SH3GLB1: variants seen among roughly 807,000 people sequenced by gnomAD.
SH3GLB1 encodes SH3 domain containing GRB2 like, endophilin B1.
Under a neutral mutation model 42.0 loss-of-function variants are expected in SH3GLB1, and 17 were observed. The ratio of observed to expected loss-of-function variants is 0.40; its 90% CI spans 0.28 to 0.61. The LOEUF is 0.61. Among genes scored for constraint, SH3GLB1 ranks in the 20% least tolerant of loss-of-function variants. The pLI, the probability that SH3GLB1 is intolerant of heterozygous loss-of-function variation, is 0.36. For missense variants in SH3GLB1, 355 were observed against 426.3 expected (o/e 0.83, Z 1.47); for synonymous variants, 132 against 146.6 (o/e 0.90, Z 0.72).
chr1:86,734,531 C>A, intron 5 of SH3GLB1, 71 bp from the exon 6 acceptor site: 1 of 1,057,382 alleles, frequency 9.5e-7, no homozygotes, highest in Non-Finnish European at 1.4e-6. Context: ...TTTTTTTAAC[C>A]ATCTAAAATA....
rs1201425745 is a variant in SH3GLB1 at position 86,744,625 on chromosome 1, C to G, written c.*1390C>G. On this transcript the variant is annotated 3_prime_UTR_variant, in exon 9 of 9. Coordinates refer to ENST00000370558, the MANE Select transcript of SH3GLB1 (RefSeq NM_016009.5). The stretch of plus-strand genomic sequence containing the variant: ...CTAAAGCAATTTACTCTAACTTAAG[C>G]ATGAAGTACAAAAGTATAGTTCATT... The G allele has an allele frequency of 6.6e-6, 1 of 152,174 alleles. No homozygotes were observed. The highest frequency in any genetic ancestry group is 1.9e-4 in the East Asian group (1 of 5,184). The allele number at this position is 152,174 out of a possible 1,614,324, so 9.4% of individuals were successfully genotyped here.
At chr1:86,724,202 A>T in intron 4 of SH3GLB1, 111 bp from the exon 5 acceptor site, 2 of 690,580 alleles carry the variant, frequency 2.9e-6, no homozygotes, top group Admixed American at 7.1e-5. Context: ...GTAGTCATAG[A>T]TCTTTATCAA....
In SH3GLB1 at chr1:86,747,415, A is replaced by C. The variant is rs538902752; in HGVS notation, c.*4180A>C. 1 of 152,356 alleles carries C rather than the reference A, an allele frequency of 6.6e-6. No individual in the cohort carries two copies. The highest frequency in any genetic ancestry group is 1.5e-5 in the Non-Finnish European group (1 of 68,048). 9.4% of individuals were successfully genotyped at this position (152,356 alleles called of 1,614,324 possible). The stretch of plus-strand genomic sequence containing the variant: ...CACTCTAAGCTTGAGAACCACTGCA[A>C]TAGAACTAAGAGAACATTCATTTCA... On this transcript the variant is annotated 3_prime_UTR_variant, in exon 9 of 9. Transcript: ENST00000370558.
chr1:86,721,215 A>G (rs1276149221), intron 3 of SH3GLB1, among the ~76,000 whole-genome samples: 1 of 152,208 alleles, frequency 6.6e-6, no homozygotes, highest in Non-Finnish European at 1.5e-5. Context: ...CTTATTAGTA[A>G]TTAATACTAA....
chr1:86,730,048 T>C lies in SH3GLB1; in HGVS notation c.571-4554T>C, dbSNP rs763522322. The C allele has an allele frequency of 4.5e-6, 7 of 1,554,242 alleles. No individual in the cohort carries two copies. In the South Asian group the frequency reaches 5.9e-5, roughly 13 times the overall value. ...AGTTGTAGAAAATAAATTCCAACTT[T>C]CATGCTTTATATTTTTCTCTAATTT... On this transcript the variant is annotated intron_variant, in intron 5 of 8. Transcript: ENST00000370558.
chr1:86,726,035 T>C (rs1324899075), intron 5 of SH3GLB1, among the ~76,000 whole-genome samples: 1 of 152,126 alleles, frequency 6.6e-6, no homozygotes, highest in Non-Finnish European at 1.5e-5. Flanking sequence ...GACCTTGAAT[T>C]CTTTTATTAG....
chr1:86,734,987 A>T, intron 6 of SH3GLB1, 92 bp from the exon 7 acceptor site: 1 of 898,636 alleles, frequency 1.1e-6, no homozygotes, highest in Non-Finnish European at 1.8e-6. Flanking sequence ...TGGTGAGTCT[A>T]CCTCAGTACA....
At chr1:86,709,190 G>C (rs1654047972) in intron 1 of SH3GLB1, among the ~76,000 whole-genome samples, 1 of 152,068 alleles carries the variant, frequency 6.6e-6, no homozygotes, top group South Asian at 2.1e-4. Flanking sequence ...CTGTTACTCT[G>C]ACTTTCTTTA....
intron 5 of SH3GLB1, 44 bp from the exon 6 acceptor site, chr1:86,734,558 A>G: frequency 7.2e-7 from 1 of 1,384,494 alleles, no homozygotes; most frequent in Non-Finnish European, 1.0e-6. Flanking sequence ...TATAAGATGG[A>G]CTGAGTCTTC....
At chr1:86,726,315 T>C (rs1167113145) in intron 5 of SH3GLB1, among the ~76,000 whole-genome samples, 9 of 152,040 alleles carry the variant, frequency 5.9e-5, no homozygotes, top group Non-Finnish European at 2.9e-5. Context: ...AGCACACACA[T>C]ATAGATTTAA....
intron 5 of SH3GLB1, among the ~76,000 whole-genome samples, chr1:86,726,859 T>G (rs1655222781): frequency 6.6e-6 from 1 of 151,942 alleles, no homozygotes; most frequent in African/African-American, 2.4e-5. Context: ...ACTAGGAGTT[T>G]GCTTTTTTTT....
chr1:86,725,041 AAAAC>A (rs1471163601), intron 5 of SH3GLB1, among the ~76,000 whole-genome samples: 1 of 149,748 alleles, frequency 6.7e-6, no homozygotes, highest in African/African-American at 2.5e-5. Context: ...CTGCTGCTAA[AAAAC>A]AAAAATTATG....
chr1:86,706,674 G>A (rs976048799), intron 1 of SH3GLB1, among the ~76,000 whole-genome samples: 1 of 152,122 alleles, frequency 6.6e-6, no homozygotes, highest in African/African-American at 2.4e-5. Context: ...GTTTGTCCTA[G>A]TGCTCATTAC....
chr1:86,709,431 C>G (rs1050918129), intron 1 of SH3GLB1, among the ~76,000 whole-genome samples: 2 of 152,220 alleles, frequency 1.3e-5, no homozygotes, highest in African/African-American at 2.4e-5. Flanking sequence ...TGAGTACCTC[C>G]TAGGTGCTTG....
In SH3GLB1 at chr1:86,704,808, CCT is replaced by C; in HGVS notation, c.-90_-89del. On this transcript the variant is annotated 5_prime_UTR_variant, in exon 1 of 9. Coordinates refer to ENST00000370558, the MANE Select transcript of SH3GLB1 (RefSeq NM_016009.5). The stretch of plus-strand genomic sequence containing the variant: ...GCCTCCCTCCACCTACCACGTCTGC[CCT>C]CGCCGCTCTAGCCCTGCGCCCCAGC... 1.4e-6 allele frequency: 1 copy of C among 738,358 alleles called. No homozygotes were observed. The highest frequency in any genetic ancestry group is 2.1e-6 in the Non-Finnish European group (1 of 469,506). The allele number at this position is 738,358 out of a possible 1,614,324, so 45.7% of individuals were successfully genotyped here.
At chr1:86,723,581 G>A (rs553349376) in intron 4 of SH3GLB1, among the ~76,000 whole-genome samples, 19 of 152,184 alleles carry the variant, frequency 1.2e-4, no homozygotes, top group African/African-American at 4.3e-4. Flanking sequence ...TTGACATATG[G>A]AATCTAAGAT....
At chr1:86,723,369 C>G (rs1308559073) in intron 4 of SH3GLB1, among the ~76,000 whole-genome samples, 1 of 152,064 alleles carries the variant, frequency 6.6e-6, no homozygotes, top group African/African-American at 2.4e-5. Flanking sequence ...AAAAAATTAG[C>G]TGGGCATGGT....
chr1:86,728,634 A>G (rs1655334085), intron 5 of SH3GLB1: 1 of 510,716 alleles, frequency 2.0e-6, no homozygotes. Context: ...TAGCTGAAGT[A>G]ATACTGGAAC....
chr1:86,723,054 A>G (rs1055481337), intron 4 of SH3GLB1, among the ~76,000 whole-genome samples: 1 of 152,236 alleles, frequency 6.6e-6, no homozygotes, highest in African/African-American at 2.4e-5. Flanking sequence ...AAAATTTTCT[A>G]AGAGTTTTAC....
Sources: gnomAD v4.1 joint callset for allele counts (sites outside exome capture counted in the v4.1 genomes callset) on GRCh38, gnomAD v4.1.1 for gene constraint, MANE v1.5 for transcripts, NCBI Gene and HGNC (gene_info 2026-07-23, HGNC 2026-07-21) for gene names.